The following DYNC2I1 variants were observed in gnomAD, a reference collection of about 807,000 sequenced individuals.
DYNC2I1 encodes cytoplasmic dynein 2 intermediate chain 1.
In DYNC2I1, 89 loss-of-function variants were observed where a neutral mutation model predicts 133.4. The ratio of observed to expected loss-of-function variants is 0.67; its 90% CI spans 0.56 to 0.80. The LOEUF (loss-of-function observed/expected upper bound fraction) is 0.80. Ranked by LOEUF, DYNC2I1 falls within the 30% of genes least tolerant of loss-of-function variation. The probability of loss-of-function intolerance (pLI) is 0.00; values close to 1 mark genes in which losing one functional copy is unlikely to be tolerated. For missense variants in DYNC2I1, 1,291 were observed against 1,314.5 expected (o/e 0.98, Z 0.28); for synonymous variants, 504 against 484.3 (o/e 1.04, Z -0.54).
upstream of DYNC2I1, among the ~76,000 whole-genome samples, chr7:158,855,940 T>C (rs1242827340): frequency 1.4e-5 from 1 of 71,190 alleles, no homozygotes; most frequent in Non-Finnish European, 2.5e-5. Flanking sequence ...AGCTCTTTTC[T>C]TTTTTTTTTT....
At chr7:158,861,503 C>A (rs1370175738) in intron 1 of DYNC2I1, among the ~76,000 whole-genome samples, 2 of 152,192 alleles carry the variant, frequency 1.3e-5, no homozygotes, top group Non-Finnish European at 2.9e-5. Flanking sequence ...GAAAGTCTGG[C>A]ATCCCCCTCC....
chr7:158,881,070 C>T (rs1019690278), intron 5 of DYNC2I1, among the ~76,000 whole-genome samples: 1 of 152,206 alleles, frequency 6.6e-6, no homozygotes, highest in Non-Finnish European at 1.5e-5. Flanking sequence ...CTGTAAAACG[C>T]GAATGCCAGT....
chr7:158,862,765 A>G (rs1018931603), intron 1 of DYNC2I1, among the ~76,000 whole-genome samples: 6 of 151,332 alleles, frequency 4.0e-5, no homozygotes, highest in African/African-American at 9.7e-5. Flanking sequence ...GAGTGTTACA[A>G]TTCTTAAAGA....
At chr7:158,889,862 G>A (rs1052218786) in intron 7 of DYNC2I1, among the ~76,000 whole-genome samples, 8 of 151,896 alleles carry the variant, frequency 5.3e-5, no homozygotes, top group East Asian at 1.9e-4. Flanking sequence ...AAAATTAGCC[G>A]GGTGTGGTGG....
chr7:158,874,716 C>G (rs758464606), intron 3 of DYNC2I1, among the ~76,000 whole-genome samples: 1 of 152,190 alleles, frequency 6.6e-6, no homozygotes, highest in Non-Finnish European at 1.5e-5. Flanking sequence ...TGGATCTAGT[C>G]TCATGGTTTT....
chr7:158,843,059 C>T, the DYNC2I1 span, among the ~76,000 whole-genome samples: 1 of 152,226 alleles, frequency 6.6e-6, no homozygotes, highest in African/African-American at 2.4e-5. Flanking sequence ...TAAGTATCAA[C>T]AGGACCTCCG....
chr7:158,874,736 TTGTC>T (rs1188803937), intron 3 of DYNC2I1, among the ~76,000 whole-genome samples: 2 of 152,210 alleles, frequency 1.3e-5, no homozygotes, highest in Non-Finnish European at 2.9e-5. Context: ...TAAATACTGT[TTGTC>T]TGTGTCCTTA....
At chr7:158,857,207 T>C (rs1352154689) in intron 1 of DYNC2I1, among the ~76,000 whole-genome samples, 5 of 152,378 alleles carry the variant, frequency 3.3e-5, no homozygotes, top group Admixed American at 1.3e-4. Context: ...TATTTACTTG[T>C]ATGACCTTGG....
rs367567106 is a variant in DYNC2I1, at chr7:158,934,592, G to T, written c.2778+43G>T. On this transcript the variant is annotated intron_variant, in intron 23 of 24. Coordinates refer to ENST00000407559, the MANE Select transcript of DYNC2I1 (RefSeq NM_018051.5). ...TCAGAGCTCCAATTCTTCTTTTTTT[G>T]TTTTTTGAGACAGGGTCTTGCTCTG... 277 of 1,539,176 alleles carry T rather than the reference G, an allele frequency of 1.8e-4. No homozygotes were observed. In the African/African-American group the frequency reaches 3.5e-3, roughly 20 times the overall value.
rs760343417 is a variant in DYNC2I1, at chr7:158,906,042, G to A, written c.1411G>A (p.Ala471Thr). The A allele has an allele frequency of 1.9e-6, 3 of 1,613,726 alleles. No individual in the cohort carries two copies. Among genetic ancestry groups the A allele is most frequent in the Admixed American group, 1.7e-5 (1 of 59,994 alleles). The change falls in exon 11 of 25, where the codon GCC becomes ACC. Residue 471 changes from alanine to threonine, a missense_variant. By Grantham distance (58) the Ala-to-Thr change is moderately conservative (BLOSUM62 0). Transcript: ENST00000407559. ...ASVCGIFVDF[A>T]SASHRQKSRT... ...TGTTTGTGGAATTTTTGTGGATTTT[G>A]CCTCAGCTTCACACCGTCAAAAGAG...
At chr7:158,861,666 A>G (rs933032902) in intron 1 of DYNC2I1, among the ~76,000 whole-genome samples, 2 of 152,188 alleles carry the variant, frequency 1.3e-5, no homozygotes, top group African/African-American at 4.8e-5. Flanking sequence ...TCATCTGCAA[A>G]TACATGCATA....
intron 1 of DYNC2I1, among the ~76,000 whole-genome samples, chr7:158,857,500 C>A (rs1392625023): frequency 6.6e-6 from 1 of 150,884 alleles, no homozygotes; most frequent in Non-Finnish European, 1.5e-5. Context: ...GAATAATACT[C>A]CTTAATTTGT....
intron 6 of DYNC2I1, among the ~76,000 whole-genome samples, chr7:158,886,587 T>C (rs1844626541): frequency 6.6e-6 from 1 of 152,200 alleles, no homozygotes; most frequent in African/African-American, 2.4e-5. Context: ...CATGCTTTGC[T>C]AACCTGAAAC....
chr7:158,909,275 G>A (rs1847141597), intron 11 of DYNC2I1, among the ~76,000 whole-genome samples: 1 of 142,916 alleles, frequency 7.0e-6, no homozygotes, highest in South Asian at 2.2e-4. Flanking sequence ...AGGTTGCAGC[G>A]AGCTGAGATC....
At chr7:158,865,733 C>T (rs1271558829) in intron 1 of DYNC2I1, among the ~76,000 whole-genome samples, 1 of 152,120 alleles carries the variant, frequency 6.6e-6, no homozygotes, top group Non-Finnish European at 1.5e-5. Context: ...TGATTTTAAG[C>T]GTGGATTGCT....
At chr7:158,952,889 G>A (rs1371134168) in intron 4 of DYNC2I1, among the ~76,000 whole-genome samples, 4 of 152,138 alleles carry the variant, frequency 2.6e-5, no homozygotes, top group East Asian at 1.9e-4. Flanking sequence ...CCCAGGGTGC[G>A]CCCCCTTGAA....
rs1846887629 is a variant in DYNC2I1, at chr7:158,907,011, A to C, written c.1460+920A>C. 3.3e-5 allele frequency among the ~76,000 whole-genome samples: 5 copies of C among 151,826 alleles called. No individual in the cohort carries two copies. In the South Asian group the frequency reaches 1.0e-3, roughly 31 times the overall value. The stretch of plus-strand genomic sequence containing the variant: ...GCACCTGTGGTCCCAGCTCCTGGGG[A>C]GTGCTTAGGTGGGAGATGGCTTGAG... On this transcript the variant is annotated intron_variant, in intron 11 of 24. Coordinates refer to ENST00000407559, the MANE Select transcript of DYNC2I1 (RefSeq NM_018051.5).
At chr7:158,928,754 TAGTGATGGGG>T (rs1849881152) in intron 20 of DYNC2I1, among the ~76,000 whole-genome samples, 1 of 141,310 alleles carries the variant, frequency 7.1e-6, no homozygotes, top group Non-Finnish European at 1.6e-5. Context: ...CGGGATGGGT[TAGTGATGGGG>T]CGAGACCCAC....
At chr7:158,917,055 C>T (rs868602862) in intron 14 of DYNC2I1, among the ~76,000 whole-genome samples, 3 of 74,148 alleles carry the variant, frequency 4.0e-5, no homozygotes, top group South Asian at 4.4e-4. Flanking sequence ...AACGTCGACA[C>T]GCTGGTTGAC....
Sources: gnomAD v4.1 joint callset for allele counts (sites outside exome capture counted in the v4.1 genomes callset) on GRCh38, gnomAD v4.1.1 for gene constraint, MANE v1.5 for transcripts, NCBI Gene and HGNC (gene_info 2026-07-23, HGNC 2026-07-21) for gene names.